AGMO: variants seen among roughly 807,000 people sequenced by gnomAD.
AGMO encodes glyceryl-ether monooxygenase.
AGMO carries 75 observed loss-of-function variants against 60.2 expected under a neutral mutation model. The ratio of observed to expected loss-of-function variants is 1.25; its 90% CI spans 1.03 to 1.51. The LOEUF is 1.51. AGMO is among the 40% of genes most tolerant of loss of function. The probability of loss-of-function intolerance (pLI) is 0.00; values close to 1 mark genes in which losing one functional copy is unlikely to be tolerated. For synonymous variants in AGMO, 261 were observed against 177.1 expected (o/e 1.47, Z -3.76); for missense variants, 763 against 525.5 (o/e 1.45, Z -4.42).
At chr7:15,395,246 A>C (rs10234651) in intron 5 of AGMO, among the ~76,000 whole-genome samples, 9,771 of 152,302 alleles carry the variant, frequency 0.064, 425 homozygotes, top group African/African-American at 0.11. Context: ...AAATGAGTTA[A>C]ATGATGCGAA....
intron 3 of AGMO, among the ~76,000 whole-genome samples, chr7:15,462,832 A>G (rs1470000416): frequency 1.3e-5 from 2 of 152,324 alleles, no homozygotes; most frequent in Admixed American, 1.3e-4. Flanking sequence ...AAAATGAGTC[A>G]GTGAACAAAG....
intron 10 of AGMO, among the ~76,000 whole-genome samples, chr7:15,368,295 A>AC (rs397765747): frequency 6.6e-6 from 1 of 151,074 alleles, no homozygotes; most frequent in Non-Finnish European, 1.5e-5. Context: ...AAAAAAAAAA[A>AC]CCAGAAAAAT....
intron 2 of AGMO, among the ~76,000 whole-genome samples, chr7:15,549,196 C>A (rs1213747329): frequency 7.0e-6 from 1 of 143,640 alleles, no homozygotes; most frequent in East Asian, 2.0e-4. Context: ...CAACCGGTAC[C>A]AGCCGCTGCA....
At chr7:15,385,287 TAGA>T (rs998466371) in intron 10 of AGMO, among the ~76,000 whole-genome samples, 156 bp downstream of exon 10, 2 of 152,348 alleles carry the variant, frequency 1.3e-5, no homozygotes, top group African/African-American at 4.8e-5. Flanking sequence ...TTTAGTAGTC[TAGA>T]AGATTTGTTT....
intron 12 of AGMO, among the ~76,000 whole-genome samples, chr7:15,326,559 GC>G (rs1305640889): frequency 6.6e-6 from 1 of 152,022 alleles, no homozygotes; most frequent in African/African-American, 2.4e-5. Context: ...AGCTCCTCTT[GC>G]CTTACTCTTT....
intron 3 of AGMO, among the ~76,000 whole-genome samples, chr7:15,496,076 T>C (rs1345506115): frequency 2.0e-5 from 3 of 152,028 alleles, no homozygotes; most frequent in Admixed American, 1.3e-4. Flanking sequence ...TGGAAACACA[T>C]TAAAGAGGCA....
intron 12 of AGMO, among the ~76,000 whole-genome samples, chr7:15,315,214 C>G (rs186248706): frequency 1.1e-3 from 163 of 149,882 alleles, no homozygotes; most frequent in Middle Eastern, 3.5e-3. Flanking sequence ...TTGCAAGGTA[C>G]TAAGTTTGTG....
chr7:15,428,772 T>C lies in AGMO; in HGVS notation c.513+2233A>G, dbSNP rs183240634. On this transcript the variant is annotated intron_variant, in intron 4 of 12. Transcript: ENST00000342526. ...AGGTAATTAATTAACTGCATTGATT[T>C]CCCCAGAGCAACTTCAAATGCAGCT... Among the ~76,000 whole-genome samples the C allele has an allele frequency of 5.5e-3, 838 of 152,178 alleles. 1 individual carries two copies. Among genetic ancestry groups the C allele is most frequent in the Middle Eastern group, 0.027 (8 of 294 alleles).
At chr7:15,393,475 G>A (rs1784233144) in intron 6 of AGMO, among the ~76,000 whole-genome samples, 1 of 152,094 alleles carries the variant, frequency 6.6e-6, no homozygotes, top group Non-Finnish European at 1.5e-5. Context: ...CTATTCTACT[G>A]CTGAAAAACA....
At position 15,258,946 on chromosome 7, in the gene AGMO, T is replaced by C. The variant is rs188358413; in HGVS notation, c.1264-57587A>G. Among the ~76,000 whole-genome samples the C allele has an allele frequency of 3.8e-3, 575 of 152,188 alleles. 2 individuals carry two copies. The highest frequency in any genetic ancestry group is 6.2e-3 in the Non-Finnish European group (422 of 68,028). On this transcript the variant is annotated intron_variant, in intron 12 of 12. Transcript: ENST00000342526. ...ACAGCAGTCCTTGAATCTCATAGTC[T>C]ACCTAAATGAGAAGGAACCAGAAAA...
chr7:15,165,182 G>A, the AGMO span, among the ~76,000 whole-genome samples: 4 of 152,156 alleles, frequency 2.6e-5, no homozygotes, highest in African/African-American at 9.6e-5. Context: ...TAAACAGTGG[G>A]TACACATGGA....
chr7:15,337,310 A>C (rs1406497030), intron 12 of AGMO, among the ~76,000 whole-genome samples: 1 of 152,356 alleles, frequency 6.6e-6, no homozygotes, highest in African/African-American at 2.4e-5. Context: ...ACTTTTTAAT[A>C]ACAGAATATA....
chr7:15,272,320 C>CT (rs1393288685), intron 12 of AGMO, among the ~76,000 whole-genome samples: 1 of 143,422 alleles, frequency 7.0e-6, no homozygotes, highest in African/African-American at 2.6e-5. Context: ...TGACACTCCC[C>CT]TTCCCGTGTC....
intron 3 of AGMO, among the ~76,000 whole-genome samples, chr7:15,517,729 A>G (rs760219834): frequency 2.0e-5 from 3 of 152,000 alleles, no homozygotes; most frequent in Admixed American, 6.6e-5. Context: ...CAAGCACAAA[A>G]TTGGGCGGCA....
chr7:15,440,866 T>C (rs1456784670), intron 3 of AGMO, among the ~76,000 whole-genome samples: 1 of 152,198 alleles, frequency 6.6e-6, no homozygotes, highest in Admixed American at 6.5e-5. Flanking sequence ...GATAAGACAG[T>C]CTGATTTCAA....
the AGMO span, among the ~76,000 whole-genome samples, chr7:15,153,121 C>T: frequency 6.6e-6 from 1 of 151,170 alleles, no homozygotes; most frequent in East Asian, 1.9e-4. Context: ...GTTTGTTGGC[C>T]CCTTGTATAT....
rs1013923222 is a variant in AGMO, at chr7:15,342,048, C to T, written c.1263+23466G>A. ...ATATCTGTATCTCGCCATGAATGCT[C>T]ACTTTGCTTTTAAGTCTTCTGCCTA... On this transcript the variant is annotated intron_variant, in intron 12 of 12. Transcript: ENST00000342526. Among the ~76,000 whole-genome samples, 9 of 151,934 alleles carry T rather than the reference C, an allele frequency of 5.9e-5. No homozygotes were observed. The South Asian group carries it at 6.3e-4, about 11-fold the overall frequency.
chr7:15,252,519 G>A (rs1782970494), intron 12 of AGMO, among the ~76,000 whole-genome samples: 1 of 152,136 alleles, frequency 6.6e-6, no homozygotes, highest in South Asian at 2.1e-4. Context: ...AGCAGCTGAG[G>A]GCAAACTCCA....
At chr7:15,191,995 A>T in the AGMO span, among the ~76,000 whole-genome samples, 1 of 151,968 alleles carries the variant, frequency 6.6e-6, no homozygotes, top group African/African-American at 2.4e-5. Flanking sequence ...ACACACACAC[A>T]CACACACACA....
Sources: gnomAD v4.1 joint callset for allele counts (sites outside exome capture counted in the v4.1 genomes callset) on GRCh38, gnomAD v4.1.1 for gene constraint, MANE v1.5 for transcripts, NCBI Gene and HGNC (gene_info 2026-07-23, HGNC 2026-07-21) for gene names.